Variants in TMEM67 observed in about 807,000 individuals in gnomAD.
TMEM67 encodes the protein meckelin.
TMEM67 carries 124 observed loss-of-function variants against 136.6 expected under a neutral mutation model. The observed-to-expected ratio is 0.91, with a 90% CI of 0.78 to 1.05. The LOEUF (loss-of-function observed/expected upper bound fraction) is 1.05, where lower values mean the gene tolerates loss of function less well. Ranked by LOEUF, TMEM67 falls within the 50% of genes least tolerant of loss-of-function variation. TMEM67 has a pLI of 0.00. For synonymous variants in TMEM67, 364 were observed against 390.5 expected (o/e 0.93, Z 0.80); for missense variants, 1,107 against 1,178.4 (o/e 0.94, Z 0.89).
intron 18 of TMEM67, among the ~76,000 whole-genome samples, chr8:93,796,928 A>G (rs1814645904): frequency 6.6e-6 from 1 of 152,222 alleles, no homozygotes. Context: ...ATTAAGATGT[A>G]TATGAAAATT....
At chr8:93,777,773 G>A (rs201938025) in intron 7 of TMEM67, among the ~76,000 whole-genome samples, 1 of 152,096 alleles carries the variant, frequency 6.6e-6, no homozygotes, top group Non-Finnish European at 1.5e-5. Flanking sequence ...TTATTTCCAA[G>A]TATGTGGTCA....
intron 23 of TMEM67, among the ~76,000 whole-genome samples, chr8:93,807,255 A>G (rs768525528): frequency 6.6e-6 from 1 of 152,242 alleles, no homozygotes; most frequent in Admixed American, 6.5e-5. Context: ...TAAGGTTCAT[A>G]ATCTTTGATT....
downstream of TMEM67, among the ~76,000 whole-genome samples, chr8:93,823,209 C>T (rs1030195759): frequency 1.5e-4 from 23 of 152,142 alleles, no homozygotes; most frequent in African/African-American, 5.3e-4. Context: ...AACTTGTCAG[C>T]CTGGCTGGGT....
chr8:93,762,428 C>T (rs1812887970), intron 3 of TMEM67, among the ~76,000 whole-genome samples: 2 of 149,704 alleles, frequency 1.3e-5, no homozygotes, highest in African/African-American at 4.9e-5. Flanking sequence ...AACTCCTGAC[C>T]TCAAGCAGTC....
rs755801996 is a variant in TMEM67 at position 93,780,694 on chromosome 8, G to C, written c.816G>C (p.Gln272His). ...CATTTGATGCATGTGGACTATTTCA[G>C]TTTATCTTTGAAAATACTGCTGGAC... ...FATFDACGLF[Q>H]FIFENTAGLS... The change falls in exon 8 of 28, where the codon CAG becomes CAC. Residue 272 changes from glutamine to histidine, a missense_variant. By Grantham distance (24) the Gln-to-His change is conservative. Around this residue, in one of 3 missense-constraint regions of TMEM67, gnomAD observed 925 missense variants for 1,002.4 expected, o/e 0.92. Coordinates refer to ENST00000453321, the MANE Select transcript of TMEM67 (RefSeq NM_153704.6). 35 of 1,613,986 alleles carry C rather than the reference G, an allele frequency of 2.2e-5. No individual in the cohort carries two copies. Among genetic ancestry groups the C allele is most frequent in the Non-Finnish European group, 2.8e-5 (33 of 1,179,996 alleles).
At chr8:93,791,469 A>G in intron 15 of TMEM67, 150 bp downstream of exon 15, 4 of 606,508 alleles carry the variant, frequency 6.6e-6, no homozygotes, top group Non-Finnish European at 1.2e-5. Context: ...TACAATGATC[A>G]TAATCTGGAA....
At chr8:93,775,926 C>T (rs1460377645) in intron 7 of TMEM67, among the ~76,000 whole-genome samples, 1 of 152,104 alleles carries the variant, frequency 6.6e-6, no homozygotes, top group Non-Finnish European at 1.5e-5. Flanking sequence ...GGCATTGAAT[C>T]TATAAGTTAC....
At chr8:93,767,667 A>T (rs192578539) in intron 6 of TMEM67, among the ~76,000 whole-genome samples, 1 of 149,836 alleles carries the variant, frequency 6.7e-6, no homozygotes, top group Non-Finnish European at 1.5e-5. Flanking sequence ...ATTTGTTTTG[A>T]TGCTCAAATT....
chr8:93,829,730 C>T, the TMEM67 span, among the ~76,000 whole-genome samples: 2 of 152,138 alleles, frequency 1.3e-5, no homozygotes, highest in Admixed American at 1.3e-4. Context: ...CTTTTTCTCT[C>T]CCCTTCTCTC....
rs764035429 is a variant in TMEM67, at chr8:93,785,430, A to G, written c.1288+52A>G. The G allele has an allele frequency of 3.2e-6, 5 of 1,545,494 alleles. No individual in the cohort carries two copies. The South Asian group carries it at 4.5e-5, about 14-fold the overall frequency. ...TTCCCTGAGCAGAAATCAACAAATA[A>G]GTTAACCTACATGATAATTTAATAA... On this transcript the variant is annotated intron_variant, in intron 12 of 27. Coordinates refer to ENST00000453321, the MANE Select transcript of TMEM67 (RefSeq NM_153704.6).
chr8:93,808,778 T>G, intron 23 of TMEM67, 62 bp from the exon 24 acceptor site: 1 of 1,070,724 alleles, frequency 9.3e-7, no homozygotes, highest in Non-Finnish European at 1.5e-6. Context: ...TTCTGTATTT[T>G]CTTTTTGAGG....
intron 14 of TMEM67, among the ~76,000 whole-genome samples, chr8:93,788,339 C>A (rs1170434797): frequency 6.6e-6 from 1 of 152,066 alleles, no homozygotes; most frequent in Non-Finnish European, 1.5e-5. Flanking sequence ...CTAAGGCGGG[C>A]AGATCATGAA....
At chr8:93,824,585 C>A in the TMEM67 span, among the ~76,000 whole-genome samples, 1 of 152,052 alleles carries the variant, frequency 6.6e-6, no homozygotes, top group Non-Finnish European at 1.5e-5. Context: ...TAAAGAGGCA[C>A]AGTAGAATTA....
intron 7 of TMEM67, among the ~76,000 whole-genome samples, chr8:93,778,854 G>A (rs1813677479): frequency 6.6e-6 from 1 of 152,158 alleles, no homozygotes; most frequent in Admixed American, 6.6e-5. Flanking sequence ...TTCTCAAGGA[G>A]TATCTTTGTT....
At chr8:93,788,008 G>A in intron 14 of TMEM67, 59 bp downstream of exon 14, 1 of 1,263,954 alleles carries the variant, frequency 7.9e-7, no homozygotes, top group Non-Finnish European at 1.1e-6. Flanking sequence ...TACTGATTCA[G>A]TTTACATTTT....
intron 15 of TMEM67, 32 bp from the exon 16 acceptor site, chr8:93,793,166 C>T (rs750056267): frequency 1.5e-5 from 24 of 1,576,894 alleles, no homozygotes; most frequent in Non-Finnish European, 2.1e-5. Flanking sequence ...ACAGAAATTA[C>T]ATAAATTCTC....
the TMEM67 span, among the ~76,000 whole-genome samples, chr8:93,827,710 C>T: frequency 6.6e-6 from 1 of 151,374 alleles, no homozygotes; most frequent in Non-Finnish European, 1.5e-5. Context: ...CTTCCTGCCT[C>T]AGCTCCCAGA....
downstream of TMEM67, among the ~76,000 whole-genome samples, chr8:93,823,390 G>A (rs548581538): frequency 4.6e-5 from 7 of 152,238 alleles, no homozygotes; most frequent in South Asian, 1.5e-3. Context: ...TAGGCTCTGG[G>A]GATTAGGACC....
chr8:93,777,151 A>G (rs527645867), intron 7 of TMEM67, among the ~76,000 whole-genome samples: 1 of 152,284 alleles, frequency 6.6e-6, no homozygotes, highest in East Asian at 1.9e-4. Context: ...AGGTGTTTAT[A>G]GTATTCTCTG....
Sources: allele counts gnomAD v4.1 joint callset (sites outside exome capture counted in the v4.1 genomes callset), GRCh38; gene constraint gnomAD v4.1.1; regional missense constraint gnomAD v4.1.1; transcripts MANE v1.5; gene names NCBI Gene and HGNC (gene_info 2026-07-23, HGNC 2026-07-21).